Variants in DNAH3 observed in about 807,000 individuals in gnomAD.
The protein encoded by DNAH3 is dynein axonemal heavy chain 3.
DNAH3 carries 332 observed loss-of-function variants against 432.5 expected under a neutral mutation model. The ratio of observed to expected loss-of-function variants is 0.77; its 90% CI spans 0.70 to 0.84. The LOEUF (loss-of-function observed/expected upper bound fraction) is 0.84. Among genes scored for constraint, DNAH3 ranks in the 40% least tolerant of loss-of-function variants. The pLI, the probability that DNAH3 is intolerant of heterozygous loss-of-function variation, is 0.00. For missense variants in DNAH3, 4,861 were observed against 5,114.0 expected (o/e 0.95, Z 1.51); for synonymous variants, 1,956 against 1,900.2 (o/e 1.03, Z -0.76).
intron 14 of DNAH3, among the ~76,000 whole-genome samples, chr16:21,107,780 C>T (rs1181057779): frequency 1.3e-5 from 2 of 152,100 alleles, no homozygotes; most frequent in African/African-American, 2.4e-5. Flanking sequence ...ATCCGCAATA[C>T]GTCCACTCCT....
intron 41 of DNAH3, among the ~76,000 whole-genome samples, chr16:21,013,719 C>CAAAAAAAAAAAAAAA (rs557641711): frequency 2.1e-5 from 1 of 47,428 alleles, no homozygotes; most frequent in Non-Finnish European, 4.1e-5. Flanking sequence ...AACTCCATCT[C>CAAAAAAAAAAAAAAA]AAAAAAAAAA....
chr16:21,027,855 A>G (rs1236568010), intron 37 of DNAH3, among the ~76,000 whole-genome samples: 1 of 152,270 alleles, frequency 6.6e-6, no homozygotes, highest in African/African-American at 2.4e-5. Flanking sequence ...AATATTTAAC[A>G]TAGAACTTAA....
chr16:21,145,617 G>T (rs527797870), intron 2 of DNAH3, among the ~76,000 whole-genome samples: 8 of 152,352 alleles, frequency 5.3e-5, no homozygotes, highest in African/African-American at 1.9e-4. Flanking sequence ...ATAATAGCTT[G>T]CATTCACCAG....
rs199815392 is a variant in DNAH3, at chr16:21,060,247, C to T, written c.3813+17G>A. On this transcript the variant is annotated intron_variant, in intron 26 of 61. Transcript: ENST00000261383. ...GTGCACTAGTGTCCTGGCATGTGTA[C>T]CCCGGTTCTTGTTTACCTTGACATA... 4.0e-5 allele frequency: 64 copies of T among 1,601,132 alleles called. No homozygotes were observed. In the East Asian group the frequency reaches 8.9e-4, roughly 22 times the overall value.
exon 62 of DNAH3, chr16:20,933,290 G>A (rs760445842): frequency 1.2e-6 from 2 of 1,614,196 alleles, no homozygotes; most frequent in Non-Finnish European, 1.7e-6. Context: ...GCGGGCACTT[G>A]TTTTGTAGAC....
At chr16:21,121,452 GA>G (rs1174670734) in intron 10 of DNAH3, among the ~76,000 whole-genome samples, 1 of 151,970 alleles carries the variant, frequency 6.6e-6, no homozygotes, top group Non-Finnish European at 1.5e-5. Flanking sequence ...AACTGAAATT[GA>G]AAAAAAGTTC....
At chr16:21,036,518 G>A (rs2089177626) in intron 35 of DNAH3, among the ~76,000 whole-genome samples, 196 bp downstream of exon 35, 1 of 152,026 alleles carries the variant, frequency 6.6e-6, no homozygotes, top group South Asian at 2.1e-4. Flanking sequence ...GGGCTCAAAC[G>A]ATCCTCCCAC....
At chr16:21,001,985 C>T (rs1455443623) in intron 42 of DNAH3, among the ~76,000 whole-genome samples, 2 of 152,158 alleles carry the variant, frequency 1.3e-5, no homozygotes, top group Non-Finnish European at 2.9e-5. Flanking sequence ...AGTGACTAAG[C>T]TCTTTTTGGA....
At chr16:21,102,500 A>C (rs979215745) in intron 16 of DNAH3, among the ~76,000 whole-genome samples, 1 of 152,156 alleles carries the variant, frequency 6.6e-6, no homozygotes, top group Non-Finnish European at 1.5e-5. Context: ...GCTGTTTACC[A>C]CCTAAGCACA....
chr16:21,019,810 G>T, exon 41 of DNAH3: 1 of 1,614,132 alleles, frequency 6.2e-7, no homozygotes, highest in Admixed American at 1.7e-5. Flanking sequence ...AGAAAGATCT[G>T]TTGACTTGAC....
intron 1 of DNAH3, among the ~76,000 whole-genome samples, chr16:21,151,958 G>C (rs1567883684): frequency 6.6e-6 from 1 of 152,076 alleles, no homozygotes; most frequent in Non-Finnish European, 1.5e-5. Context: ...ATATGGGCCA[G>C]GTATGGTGGT....
At chr16:21,070,014 A>T (rs546508941) in intron 22 of DNAH3, among the ~76,000 whole-genome samples, 1 of 152,338 alleles carries the variant, frequency 6.6e-6, no homozygotes, top group South Asian at 2.1e-4. Flanking sequence ...AGTAAGGAGC[A>T]GAGCCAGAAT....
intron 20 of DNAH3, among the ~76,000 whole-genome samples, chr16:21,079,857 A>C (rs1370325648): frequency 6.6e-6 from 1 of 152,148 alleles, no homozygotes; most frequent in Non-Finnish European, 1.5e-5. Context: ...GGTATTGGAG[A>C]GGCATCACAG....
At chr16:21,134,489 G>C (rs776816380) in intron 6 of DNAH3, 35 bp from the exon 8 acceptor site, 17 of 1,581,720 alleles carry the variant, frequency 1.1e-5, no homozygotes, top group Non-Finnish European at 1.4e-5. Flanking sequence ...TCATTATTAA[G>C]CTCTAAGGGT....
intron 11 of DNAH3, chr16:21,120,524 A>G: frequency 1.7e-6 from 1 of 595,570 alleles, no homozygotes; most frequent in East Asian, 2.8e-5. Context: ...CTATGTTTTT[A>G]AGTCTTCACT....
intron 34 of DNAH3, 29 bp from the exon 35 acceptor site, chr16:21,036,877 A>G (rs1235432680): frequency 6.4e-7 from 1 of 1,574,466 alleles, no homozygotes; most frequent in Non-Finnish European, 8.7e-7. Flanking sequence ...AAGAAAGTGG[A>G]AAGGATAAAG....
intron 28 of DNAH3, among the ~76,000 whole-genome samples, chr16:21,052,712 A>G (rs1188212103): frequency 6.6e-6 from 1 of 152,238 alleles, no homozygotes; most frequent in Admixed American, 6.5e-5. Flanking sequence ...AGCTATTGTT[A>G]TCATCCCCAA....
At position 21,092,052 on chromosome 16, in the gene DNAH3, T is replaced by C. The variant is rs561279466; in HGVS notation, c.2666-4992A>G. ...TGCCAGTTCTTCCCAACTTGATCTA[T>C]AGATTCAACACAATCCCAGTAAAAA... is the stretch of plus-strand genomic sequence containing the variant. On this transcript the variant is annotated intron_variant, in intron 18 of 61. Transcript: ENST00000261383. 2.6e-5 allele frequency among the ~76,000 whole-genome samples: 4 copies of C among 152,334 alleles called. No individual in the cohort carries two copies. The East Asian group carries it at 5.8e-4, about 22-fold the overall frequency.
At chr16:21,036,665 CTTCAGCAAACAGTAAAACAGGCACAT>C (rs2089185985) in intron 35 of DNAH3, 23 bp downstream of exon 35, 3 of 1,565,206 alleles carry the variant, frequency 1.9e-6, no homozygotes, top group Non-Finnish European at 2.6e-6. Flanking sequence ...TGTTTGCTGA[CTTCAGCAAACAGTAAAACAGGCACAT>C]TTATATGGGC....
Sources: gnomAD v4.1 joint callset for allele counts (sites outside exome capture counted in the v4.1 genomes callset) on GRCh38, gnomAD v4.1.1 for gene constraint, MANE v1.5 for transcripts, NCBI Gene and HGNC (gene_info 2026-07-23, HGNC 2026-07-21) for gene names.